Variants in PRKG1 observed in about 807,000 individuals in gnomAD.
The protein encoded by PRKG1 is cGMP-dependent protein kinase 1.
In PRKG1, 35 loss-of-function variants were observed where a neutral mutation model predicts 88.1. The ratio of observed to expected loss-of-function variants is 0.40; its 90% CI spans 0.30 to 0.53. The LOEUF (loss-of-function observed/expected upper bound fraction) is 0.53, where lower values mean the gene tolerates loss of function less well. Ranked by LOEUF, PRKG1 falls within the 20% of genes least tolerant of loss-of-function variation. The probability of loss-of-function intolerance (pLI) is 0.59; values close to 1 mark genes in which losing one functional copy is unlikely to be tolerated. For synonymous variants in PRKG1, 303 were observed against 292.5 expected, an observed-to-expected ratio of 1.04 and a Z score of -0.37; for missense variants, 540 against 839.8, an observed-to-expected ratio of 0.64 and a Z score of 4.41.
intron 9 of PRKG1, among the ~76,000 whole-genome samples, chr10:52,183,159 CT>C (rs1374800089): frequency 6.6e-6 from 1 of 152,212 alleles, no homozygotes; most frequent in African/African-American, 2.4e-5. Flanking sequence ...TAGACCCCAC[CT>C]CCAACATTGG....
chr10:51,698,672 G>A (rs777121180), intron 3 of PRKG1: 4 of 1,614,204 alleles, frequency 2.5e-6, no homozygotes, highest in Non-Finnish European at 8.5e-7. Context: ...GCCAACCCCT[G>A]GCATTCCAAG....
intron 3 of PRKG1, among the ~76,000 whole-genome samples, chr10:51,590,978 T>G (rs1838297785): frequency 6.6e-6 from 1 of 152,156 alleles, no homozygotes; most frequent in Non-Finnish European, 1.5e-5. Flanking sequence ...CTGAGACAAC[T>G]GACAGTTAGG....
intron 2 of PRKG1, among the ~76,000 whole-genome samples, chr10:51,396,705 ATGT>A (rs1245530369): frequency 6.6e-6 from 1 of 152,240 alleles, no homozygotes; most frequent in African/African-American, 2.4e-5. Flanking sequence ...TCACGTGGAG[ATGT>A]TGTCAGAGTG....
chr10:51,951,981 A>T (rs1240672281), intron 5 of PRKG1, among the ~76,000 whole-genome samples: 2 of 152,222 alleles, frequency 1.3e-5, no homozygotes, highest in African/African-American at 4.8e-5. Flanking sequence ...TAAAGGTGTT[A>T]TTGGAACCTT....
At chr10:52,065,427 A>G (rs12242842) in intron 7 of PRKG1, among the ~76,000 whole-genome samples, 3 of 151,982 alleles carry the variant, frequency 2.0e-5, no homozygotes, top group Admixed American at 1.3e-4. Flanking sequence ...AAATTACATT[A>G]TGAGCCTTTT....
intron 2 of PRKG1, among the ~76,000 whole-genome samples, chr10:51,223,454 G>T (rs1166114164): frequency 6.6e-6 from 1 of 152,092 alleles, no homozygotes; most frequent in Non-Finnish European, 1.5e-5. Context: ...ATGTGTTCTT[G>T]TTTACAAAGT....
At chr10:51,576,972 T>C (rs4935018) in intron 3 of PRKG1, among the ~76,000 whole-genome samples, 48,700 of 151,762 alleles carry the variant, frequency 0.32, 9,029 homozygotes, top group Non-Finnish European at 0.43. Flanking sequence ...GTTTCACTTA[T>C]GTTGCTCACT....
Position 51,181,644 on chromosome 10 carries a change from A to G in PRKG1, c.478+28314A>G, listed in dbSNP as rs78454420. Among the ~76,000 whole-genome samples the G allele has an allele frequency of 4.7e-3, 710 of 152,220 alleles. 3 individuals are homozygous for G. The highest frequency in any genetic ancestry group is 8.9e-3 in the Non-Finnish European group (602 of 67,988). ...TACAGTCAGAACTACATTTAGTGAT[A>G]CTCACCATGTGCCAGACACTGTTCT... On this transcript the variant is annotated intron_variant, in intron 2 of 17. Coordinates refer to ENST00000373980, the MANE Select transcript of PRKG1 (RefSeq NM_006258.4).
chr10:51,901,011 TA>T (rs1213773545), intron 4 of PRKG1, among the ~76,000 whole-genome samples: 9 of 152,216 alleles, frequency 5.9e-5, no homozygotes, highest in Non-Finnish European at 1.3e-4. Flanking sequence ...ACTGGCATGT[TA>T]TTTATCTTTT....
chr10:52,171,786 A>AAT (rs1172317696), intron 9 of PRKG1, among the ~76,000 whole-genome samples: 67 of 93,860 alleles, frequency 7.1e-4, no homozygotes, highest in African/African-American at 2.8e-3. Context: ...TTTTATCAAA[A>AAT]TTTTTTTTTT....
rs1837809863 is a variant in PRKG1 at position 52,148,815 on chromosome 10, G to A, written c.1002-13074G>A. On this transcript the variant is annotated intron_variant, in intron 8 of 17. Transcript: ENST00000373980. ...GTTAGCAGAGTCGTGATAACTTTGA[G>A]GGAAAAGTTGTAATAAGGGTGAAAG... Among the ~76,000 whole-genome samples, 5 of 152,158 alleles carry A rather than the reference G, an allele frequency of 3.3e-5. 1 individual carries two copies. In the South Asian group the frequency reaches 1.0e-3, roughly 32 times the overall value.
chr10:52,031,542 C>T (rs1396764033), intron 5 of PRKG1, among the ~76,000 whole-genome samples: 1 of 152,052 alleles, frequency 6.6e-6, no homozygotes, highest in African/African-American at 2.4e-5. Flanking sequence ...AGTGATTTTA[C>T]AAAACAATGC....
intron 1 of PRKG1, among the ~76,000 whole-genome samples, chr10:51,087,247 G>C (rs1844276332): frequency 6.6e-6 from 1 of 152,058 alleles, no homozygotes; most frequent in Non-Finnish European, 1.5e-5. Flanking sequence ...AGTGAAAGTA[G>C]TAATTGTTAC....
At chr10:51,821,542 T>C (rs1839745512) in intron 4 of PRKG1, among the ~76,000 whole-genome samples, 1 of 152,118 alleles carries the variant, frequency 6.6e-6, no homozygotes. Flanking sequence ...GTTAAAATAT[T>C]TTAATCAAAT....
rs111503716 is a variant in PRKG1 at position 51,722,997 on chromosome 10, G to C, written c.593-81588G>C. Among the ~76,000 whole-genome samples the C allele has an allele frequency of 3.8e-3, 578 of 152,180 alleles. 5 individuals carry two copies. Among genetic ancestry groups the C allele is most frequent in the African/African-American group, 0.013 (537 of 41,508 alleles). ...GGCTCATCCAGCCCTTTGTTTAGAA[G>C]TTTTCTTTCATGAAAGTATGATAAC... On this transcript the variant is annotated intron_variant, in intron 3 of 17. Transcript: ENST00000373980.
rs7083409 is a variant in PRKG1, at chr10:52,009,893, A to G, written c.763-44591A>G. 0.45 allele frequency among the ~76,000 whole-genome samples: 67,668 copies of G among 151,860 alleles called. 15,401 individuals carry two copies. Among genetic ancestry groups the G allele is most frequent in the East Asian group, 0.65 (3,343 of 5,152 alleles). ...CACACCTACAACCATCTGATGTTTG[A>G]CTGAGATGATGAAAACAAGCAATGG... On this transcript the variant is annotated intron_variant, in intron 5 of 17. Coordinates refer to ENST00000373980, the MANE Select transcript of PRKG1 (RefSeq NM_006258.4).
intron 9 of PRKG1, among the ~76,000 whole-genome samples, chr10:52,206,569 C>A (rs534651591): frequency 2.0e-5 from 3 of 152,224 alleles, no homozygotes; most frequent in African/African-American, 7.2e-5. Context: ...AGTTGCTGTC[C>A]TTTAGATGGG....
chr10:52,106,705 A>AAATAATAATAATAAT (rs57109678), intron 7 of PRKG1, among the ~76,000 whole-genome samples: 3 of 140,048 alleles, frequency 2.1e-5, no homozygotes, highest in African/African-American at 2.6e-5. Flanking sequence ...CTCTGTCCCA[A>AAATAATAATAATAAT]AATAATAATA....
At chr10:51,379,518 AT>A (rs1194472118) in intron 2 of PRKG1, among the ~76,000 whole-genome samples, 1 of 152,214 alleles carries the variant, frequency 6.6e-6, no homozygotes, top group Non-Finnish European at 1.5e-5. Flanking sequence ...TATTTAAATA[AT>A]GGTTTTAAAT....
Sources: allele counts gnomAD v4.1 joint callset (sites outside exome capture counted in the v4.1 genomes callset), GRCh38; gene constraint gnomAD v4.1.1; transcripts MANE v1.5; gene names NCBI Gene and HGNC (gene_info 2026-07-23, HGNC 2026-07-21).